FERMT2: variants seen among roughly 807,000 people sequenced by gnomAD.
FERMT2 encodes FERM domain containing kindlin 2.
A neutral mutation model predicts 82.7 loss-of-function variants in FERMT2; 15 were observed. That is an observed-to-expected ratio of 0.18 (90% confidence interval 0.12 to 0.28). The LOEUF is 0.28. Ranked by LOEUF, FERMT2 falls within the 10% of genes least tolerant of loss-of-function variation. The probability of loss-of-function intolerance (pLI) is 1.00; values close to 1 mark genes in which losing one functional copy is unlikely to be tolerated. For synonymous variants in FERMT2, 274 were observed against 271.5 expected, an observed-to-expected ratio of 1.01 and a Z score of -0.09; for missense variants, 645 against 809.4, an observed-to-expected ratio of 0.80 and a Z score of 2.46.
Position 52,872,854 on chromosome 14 carries a change from A to G in FERMT2, c.1218T>C (p.Cys406=). The change falls in exon 10 of 15, where the codon TGT becomes TGC. Residue 406 remains cysteine, a synonymous_variant. Coordinates refer to ENST00000341590, the MANE Select transcript of FERMT2 (RefSeq NM_006832.3). ...WCTFKDTSIS[C]YKSKEESSGT... is the part of the protein sequence containing the mutation. Reference sequence around the variant, plus strand: ...CACTGGATTCTTCTTTGCTCTTATAACAAGAAATGGATGTGTCTTTGAAGG... The same window carrying G: ...CACTGGATTCTTCTTTGCTCTTATAGCAAGAAATGGATGTGTCTTTGAAGG... 6.2e-7 allele frequency: 1 copy of G among 1,614,048 alleles called. No individual in the cohort carries two copies. The highest frequency in any genetic ancestry group is 8.5e-7 in the Non-Finnish European group (1 of 1,179,912).
intron 7 of FERMT2, 51 bp from the exon 8 acceptor site, chr14:52,875,408 A>G: frequency 7.4e-7 from 1 of 1,349,410 alleles, no homozygotes; most frequent in South Asian, 1.3e-5. Flanking sequence ...GTAAAACTCT[A>G]AAATGAAATT....
intron 6 of FERMT2, among the ~76,000 whole-genome samples, chr14:52,878,916 A>G: frequency 6.6e-6 from 1 of 152,224 alleles, no homozygotes; most frequent in South Asian, 2.1e-4. Context: ...TGACATTAAA[A>G]TATGACAGAG....
At chr14:52,901,706 ATCT>A in intron 3 of FERMT2, among the ~76,000 whole-genome samples, 1 of 152,200 alleles carries the variant, frequency 6.6e-6, no homozygotes, top group Non-Finnish European at 1.5e-5. Flanking sequence ...GCCAGAGGGA[ATCT>A]TAGTCTTACA....
chr14:52,913,339 A>C (rs1312266332), intron 3 of FERMT2, among the ~76,000 whole-genome samples: 2 of 152,194 alleles, frequency 1.3e-5, no homozygotes, highest in Non-Finnish European at 2.9e-5. Context: ...TAAATGGGCC[A>C]ATATACTCAA....
intron 3 of FERMT2, among the ~76,000 whole-genome samples, chr14:52,901,282 A>G (rs919435509): frequency 2.1e-5 from 3 of 145,362 alleles, no homozygotes; most frequent in Non-Finnish European, 4.5e-5. Context: ...CTCTGTCTCA[A>G]AAAAAAAAAA....
intron 4 of FERMT2, among the ~76,000 whole-genome samples, chr14:52,892,159 GTTTTTT>G (rs1566733523): frequency 1.7e-3 from 132 of 78,822 alleles, no homozygotes; most frequent in African/African-American, 5.1e-3. Flanking sequence ...AGAGAAGGCT[GTTTTTT>G]GTTTTTTTTT....
intron 2 of FERMT2, among the ~76,000 whole-genome samples, chr14:52,937,127 A>C (rs1889877364): frequency 6.6e-6 from 1 of 152,080 alleles, no homozygotes; most frequent in South Asian, 2.1e-4. Flanking sequence ...GTGCCACTGC[A>C]CTCTAACCTG....
chr14:52,892,174 T>G (rs1406629157), intron 4 of FERMT2, among the ~76,000 whole-genome samples: 5 of 143,368 alleles, frequency 3.5e-5, no homozygotes, highest in African/African-American at 1.2e-4. Context: ...TTGTTTTTTT[T>G]TTTTTTTTTT....
intron 2 of FERMT2, among the ~76,000 whole-genome samples, chr14:52,922,408 G>A (rs1355110939): frequency 1.3e-5 from 2 of 152,074 alleles, no homozygotes; most frequent in African/African-American, 4.8e-5. Context: ...CCCACCAGGA[G>A]TGCAGGTGAA....
At chr14:52,947,684 C>T (rs977221027) in intron 2 of FERMT2, among the ~76,000 whole-genome samples, 1 of 152,198 alleles carries the variant, frequency 6.6e-6, no homozygotes, top group East Asian at 1.9e-4. Flanking sequence ...ATTAAAATGC[C>T]GCACTCTGGG....
chr14:52,943,927 T>A (rs1890208368), intron 2 of FERMT2, among the ~76,000 whole-genome samples: 1 of 152,222 alleles, frequency 6.6e-6, no homozygotes, highest in African/African-American at 2.4e-5. Flanking sequence ...AGTAATTGAA[T>A]AAACATATTT....
At chr14:52,908,110 T>C (rs774782746) in intron 3 of FERMT2, among the ~76,000 whole-genome samples, 6 of 152,132 alleles carry the variant, frequency 3.9e-5, no homozygotes, top group Non-Finnish European at 5.9e-5. Flanking sequence ...ACATCATTAG[T>C]CACTAGGGTA....
rs1188369069 is a variant in FERMT2 at position 52,897,987 on chromosome 14, A to AAC, written c.392-4561_392-4560insGT. The stretch of plus-strand genomic sequence containing the variant: ...GTGAAACTCCGTCTCAAAAAAAAAA[A>AAC]AAAAAAACAACCAAAAAAAAAACCC... On this transcript the variant is annotated intron_variant, in intron 3 of 14. Coordinates refer to ENST00000341590, the MANE Select transcript of FERMT2 (RefSeq NM_006832.3). Among the ~76,000 whole-genome samples, 1,492 of 149,850 alleles carry AAC rather than the reference A, an allele frequency of 1.0e-2. 38 individuals are homozygous for AAC. The highest frequency in any genetic ancestry group is 0.036 in the African/African-American group (1,447 of 40,188).
chr14:52,858,243 G>A lies in FERMT2; in HGVS notation c.*134C>T. On this transcript the variant is annotated 3_prime_UTR_variant, in exon 15 of 15. Transcript: ENST00000341590. Reference sequence around the variant, plus strand: ...TGCTTGTTTAGTGCACATATTAACTGGTCTGGTAAGGCAAAGAAGTTTTCA... The same window carrying A: ...TGCTTGTTTAGTGCACATATTAACTAGTCTGGTAAGGCAAAGAAGTTTTCA... 2.9e-6 allele frequency: 2 copies of A among 701,100 alleles called. No homozygotes were observed. Among genetic ancestry groups the A allele is most frequent in the African/African-American group, 1.8e-5 (1 of 55,284 alleles). The allele number at this position is 701,100 out of a possible 1,614,324, so 43.4% of individuals were successfully genotyped here.
chr14:52,883,605 T>C (rs1323846413), intron 4 of FERMT2, among the ~76,000 whole-genome samples: 1 of 152,222 alleles, frequency 6.6e-6, no homozygotes, highest in East Asian at 1.9e-4. Context: ...GACAATTTGC[T>C]TTATAAAGTT....
At chr14:52,937,224 A>C (rs1297769937) in intron 2 of FERMT2, among the ~76,000 whole-genome samples, 1 of 152,134 alleles carries the variant, frequency 6.6e-6, no homozygotes, top group African/African-American at 2.4e-5. Flanking sequence ...GACTGCAAAT[A>C]GAGTGAGGGT....
chr14:52,900,756 C>T lies in FERMT2; in HGVS notation c.392-7329G>A, dbSNP rs558121649. On this transcript the variant is annotated intron_variant, in intron 3 of 14. Transcript: ENST00000341590. The stretch of plus-strand genomic sequence containing the variant: ...GAAAAAATTTAGTCCGCCCCAGCAT[C>T]CCTTTCCTGTTCCATTACTGAATTA... Among the ~76,000 whole-genome samples, 274 of 152,232 alleles carry T rather than the reference C, an allele frequency of 1.8e-3. 1 individual carries two copies. Among genetic ancestry groups the T allele is most frequent in the African/African-American group, 6.4e-3 (265 of 41,540 alleles).
chr14:52,871,551 C>T (rs1338487968), intron 10 of FERMT2: 1 of 152,278 alleles, frequency 6.6e-6, no homozygotes, highest in East Asian at 1.9e-4. Context: ...GCAGAAGAAC[C>T]AGACTAATCT....
chr14:52,897,908 G>A (rs563241050), intron 3 of FERMT2, among the ~76,000 whole-genome samples: 22 of 148,470 alleles, frequency 1.5e-4, no homozygotes, highest in Admixed American at 9.6e-4. Flanking sequence ...CCCAAGAGGC[G>A]GAGGTTGCAG....
Sources: allele counts gnomAD v4.1 joint callset (sites outside exome capture counted in the v4.1 genomes callset), GRCh38; gene constraint gnomAD v4.1.1; transcripts MANE v1.5; gene names NCBI Gene and HGNC (gene_info 2026-07-23, HGNC 2026-07-21).